Variants in MAP4K2 observed in about 807,000 individuals in gnomAD.
MAP4K2 encodes the protein mitogen-activated protein kinase kinase kinase kinase 2.
A neutral mutation model predicts 125.3 loss-of-function variants in MAP4K2; 85 were observed. The observed-to-expected ratio is 0.68, with a 90% CI of 0.57 to 0.81. The LOEUF (loss-of-function observed/expected upper bound fraction) is 0.81. MAP4K2 is among the 40% of genes least tolerant of loss of function. MAP4K2 has a pLI of 0.00. For missense variants in MAP4K2, 923 were observed against 1,056.4 expected (o/e 0.87, Z 1.75); for synonymous variants, 479 against 445.1 (o/e 1.08, Z -0.96).
At position 64,801,295 on chromosome 11, in the gene MAP4K2, G is replaced by A. The variant is rs1000953853; in HGVS notation, c.458-112C>T. On this transcript the variant is annotated intron_variant, in intron 7 of 31. Transcript: ENST00000294066. ...AGGGCTCAGACGGGCAGGTGGCCCC[G>A]CTTGGTCACAGCTGCCGCAGGCCCT... 37 of 1,344,376 alleles carry A rather than the reference G, an allele frequency of 2.8e-5. No homozygotes were observed. The Admixed American group carries it at 4.0e-4, about 14-fold the overall frequency. 83.3% of individuals were successfully genotyped at this position (1,344,376 alleles called of 1,614,324 possible).
At chr11:64,790,341 G>A (rs906232260) in intron 28 of MAP4K2, 53 bp downstream of exon 28, 2 of 1,612,010 alleles carry the variant, frequency 1.2e-6, no homozygotes, top group Admixed American at 1.7e-5. Flanking sequence ...GACCCACGTG[G>A]TCGCCTTACC....
chr11:64,799,579 A>ACACACAGCCCCTGCTGCAGACT lies in MAP4K2; in HGVS notation c.994+4_994+25dup, dbSNP rs751282809. ...CACACAGGCCCCCCAAAATCTGCAC[A>ACACACAGCCCCTGCTGCAGACT]CACACAGCCCCTGCTGCAGACTCAC... is the stretch of plus-strand genomic sequence containing the variant. On this transcript the variant is annotated intron_variant, in intron 13 of 31. Transcript: ENST00000294066. The ACACACAGCCCCTGCTGCAGACT allele has an allele frequency of 3.1e-5, 50 of 1,613,530 alleles. No homozygotes were observed. In the African/African-American group the frequency reaches 4.5e-4, roughly 15 times the overall value.
At chr11:64,795,196 G>A (rs1940721141) in intron 24 of MAP4K2, among the ~76,000 whole-genome samples, 1 of 147,996 alleles carries the variant, frequency 6.8e-6, no homozygotes, top group Admixed American at 6.9e-5. Context: ...TGATTCTTCT[G>A]CCTCAGCCTC....
At position 64,787,323 on chromosome 11, in the gene MAP4K2, C is replaced by G. The variant is rs1056341950; in HGVS notation, c.*2214G>C. On this transcript the variant is annotated 3_prime_UTR_variant, in exon 32 of 32. Coordinates refer to ENST00000294066, the MANE Select transcript of MAP4K2 (RefSeq NM_004579.5). Reference sequence around the variant, plus strand: ...GGATTACAGGTGTGAGCCACCACACCTGGCCCCCCAGGATATATTTTTAAA... The same window carrying G: ...GGATTACAGGTGTGAGCCACCACACGTGGCCCCCCAGGATATATTTTTAAA... 1 of 152,096 alleles carries G rather than the reference C, an allele frequency of 6.6e-6. No individual in the cohort carries two copies. The highest frequency in any genetic ancestry group is 1.5e-5 in the Non-Finnish European group (1 of 68,024). 9.4% of individuals were successfully genotyped at this position (152,096 alleles called of 1,614,324 possible). A position where few individuals can be genotyped will look rare whatever the true frequency, so the allele number is the denominator to read the frequency against.
intron 15 of MAP4K2, among the ~76,000 whole-genome samples, chr11:64,797,947 C>T (rs921741873): frequency 1.3e-5 from 2 of 151,504 alleles, no homozygotes; most frequent in Non-Finnish European, 2.9e-5. Context: ...CCTTGTGATC[C>T]GCCCACCTCG....
At chr11:64,791,181 C>A (rs1940453854) in intron 27 of MAP4K2, among the ~76,000 whole-genome samples, 1 of 152,020 alleles carries the variant, frequency 6.6e-6, no homozygotes, top group African/African-American at 2.4e-5. Context: ...TGTGTGAGAC[C>A]CCTGGCTCAG....
chr11:64,802,337 GC>G, intron 4 of MAP4K2, 81 bp downstream of exon 4: 1 of 1,405,078 alleles, frequency 7.1e-7, no homozygotes, highest in South Asian at 1.3e-5. Context: ...CAAGTCCAGG[GC>G]CCAGAGTCCC....
intron 23 of MAP4K2, 27 bp downstream of exon 23, chr11:64,796,466 T>G: frequency 6.2e-7 from 1 of 1,613,708 alleles, no homozygotes; most frequent in Non-Finnish European, 8.5e-7. Flanking sequence ...CTGCGGACCC[T>G]GCCTCCCTGC....
chr11:64,786,798 A>G lies in MAP4K2; in HGVS notation c.*2739T>C, dbSNP rs1257401239. The G allele has an allele frequency of 6.6e-6, 1 of 152,168 alleles. No individual in the cohort carries two copies. The highest frequency in any genetic ancestry group is 6.5e-5 in the Admixed American group (1 of 15,270). The allele number at this position is 152,168 out of a possible 1,614,324, so 9.4% of individuals were successfully genotyped here. ...TATTTATTGCAGCATTGTTTGTAAT[A>G]TAAAAGTAGTAAAAACAACTCAAAT... On this transcript the variant is annotated 3_prime_UTR_variant, in exon 32 of 32. Transcript: ENST00000294066.
In MAP4K2 at chr11:64,800,149, G is replaced by C; in HGVS notation, c.875C>G (p.Pro292Arg). 6.2e-7 allele frequency: 1 copy of C among 1,612,750 alleles called. No individual in the cohort carries two copies. The highest frequency in any genetic ancestry group is 8.5e-7 in the Non-Finnish European group (1 of 1,179,604). The part of the protein sequence containing the change: ...LTQLLDKASD[P>R]HLGTPSPEDC... Reference sequence around the variant, plus strand: ...CTCAGGGGAGGGGGTCCCCAGATGAGGGTCACTGGCTTTGTCCAGCAGCTG... The same window carrying C: ...CTCAGGGGAGGGGGTCCCCAGATGACGGTCACTGGCTTTGTCCAGCAGCTG... The change falls in exon 12 of 32, where the codon CCT (proline) becomes CGT (arginine). Residue 292 changes from proline (P) to arginine (R), a missense_variant. Around this residue, in one of 2 missense-constraint regions of MAP4K2, gnomAD observed 833 missense variants for 911.4 expected, o/e 0.91. Transcript: ENST00000294066.
intron 7 of MAP4K2, 79 bp downstream of exon 7, chr11:64,801,500 G>T: frequency 6.6e-7 from 1 of 1,522,978 alleles, no homozygotes; most frequent in South Asian, 1.1e-5. Context: ...CTTGCCCAGT[G>T]ACACCCAACC....
chr11:64,801,128 G>C lies in MAP4K2; in HGVS notation c.513C>G (p.Phe171Leu). 6.2e-7 allele frequency: 1 copy of C among 1,613,574 alleles called. No individual in the cohort carries two copies. Among genetic ancestry groups the C allele is most frequent in the East Asian group, 2.2e-5 (1 of 44,882 alleles). ...AGCCTCACCAGTAGGGAGTCCCAAT[G>C]AAAGACCTCCTCTTGGCCACAGACG... Reference protein sequence around the residue: ...LTASVAKRRSFIGTPYWMAPE... With the variant: ...LTASVAKRRSLIGTPYWMAPE... Residue 171 changes from phenylalanine (F) to leucine (L), a missense_variant, in exon 8 of 32, where the codon TTC becomes TTG. Phe to Leu is a conservative substitution (Grantham distance 22). Transcript: ENST00000294066.
chr11:64,790,986 C>G (rs940044298), intron 27 of MAP4K2, among the ~76,000 whole-genome samples: 6 of 152,038 alleles, frequency 3.9e-5, no homozygotes, highest in African/African-American at 1.4e-4. Flanking sequence ...TAATACAAAA[C>G]GTAGCCGGAC....
chr11:64,795,364 G>T (rs543049962), intron 24 of MAP4K2, among the ~76,000 whole-genome samples: 1 of 152,040 alleles, frequency 6.6e-6, no homozygotes, highest in African/African-American at 2.4e-5. Context: ...TTATAGGCCT[G>T]AGCCACTGCG....
intron 12 of MAP4K2, 81 bp downstream of exon 12, chr11:64,800,028 A>T: frequency 1.7e-6 from 2 of 1,171,804 alleles, no homozygotes; most frequent in Non-Finnish European, 2.5e-6. Flanking sequence ...GGTGCCAGTT[A>T]AAGGACCTCC....
Position 64,797,119 on chromosome 11 carries a change from C to G in MAP4K2, c.1350G>C (p.Gln450His). 1 of 1,614,200 alleles carries G rather than the reference C, an allele frequency of 6.2e-7. No individual in the cohort carries two copies. ...ACCCTCTTACCTCAGGATCCTCCCG[C>G]TGCTTCATGGTGGCCCAGGCCGTGG... is the stretch of plus-strand genomic sequence containing the variant. The part of the protein sequence containing the change: ...LLPTAWATMK[Q>H]REDPERSSCH... The change falls in exon 19 of 32, where the codon CAG (glutamine) becomes CAC (histidine). Residue 450 changes from glutamine to histidine, a missense_variant. This residue lies in a region of MAP4K2 where 833 missense variants were observed against 911.4 expected (regional missense o/e 0.91). Coordinates refer to ENST00000294066, the MANE Select transcript of MAP4K2 (RefSeq NM_004579.5).
chr11:64,787,763 CT>C lies in MAP4K2; in HGVS notation c.*1773del, dbSNP rs1379614860. 1 of 152,268 alleles carries C rather than the reference CT, an allele frequency of 6.6e-6. No individual in the cohort carries two copies. The highest frequency in any genetic ancestry group is 1.5e-5 in the Non-Finnish European group (1 of 68,072). The allele number at this position is 152,268 out of a possible 1,614,324, so 9.4% of individuals were successfully genotyped here. On this transcript the variant is annotated 3_prime_UTR_variant, in exon 32 of 32. Coordinates refer to ENST00000294066, the MANE Select transcript of MAP4K2 (RefSeq NM_004579.5). Reference sequence around the variant, plus strand: ...CGGGAAGATCCGCCACAAGGAGGCACTGTCTGCTGCTGGCCGGTTGGTGAAC... The same window carrying C: ...CGGGAAGATCCGCCACAAGGAGGCACGTCTGCTGCTGGCCGGTTGGTGAAC...
rs533799576 is a variant in MAP4K2, at chr11:64,801,903, G to A, written c.367-146C>T. The A allele has an allele frequency of 2.4e-5, 27 of 1,128,886 alleles. No individual in the cohort carries two copies. The African/African-American group carries it at 3.7e-4, about 15-fold the overall frequency. 69.9% of individuals were successfully genotyped at this position (1,128,886 alleles called of 1,614,324 possible). On this transcript the variant is annotated intron_variant, in intron 5 of 31. Coordinates refer to ENST00000294066, the MANE Select transcript of MAP4K2 (RefSeq NM_004579.5). The stretch of plus-strand genomic sequence containing the variant: ...AAGTGACTGAGCCAAGAGGGAAATG[G>A]ACTGCTTCCGGCAACAGGGCTGGGG...
intron 27 of MAP4K2, among the ~76,000 whole-genome samples, 172 bp from the exon 28 acceptor site, chr11:64,790,634 TGA>T (rs770909361): frequency 1.3e-5 from 2 of 152,280 alleles, no homozygotes; most frequent in Admixed American, 1.3e-4. Flanking sequence ...ACTGAGGCTC[TGA>T]GAGGATGAGT....
Sources: gnomAD v4.1 joint callset for allele counts (sites outside exome capture counted in the v4.1 genomes callset) on GRCh38, gnomAD v4.1.1 for gene constraint, gnomAD v4.1.1 regional missense constraint, MANE v1.5 for transcripts, NCBI Gene and HGNC (gene_info 2026-07-23, HGNC 2026-07-21) for gene names.